FARS2: variants seen among roughly 807,000 people sequenced by gnomAD.
FARS2 encodes phenylalanyl-tRNA synthetase 2, mitochondrial.
A neutral mutation model predicts 46.4 loss-of-function variants in FARS2; 40 were observed. The observed-to-expected ratio is 0.86, with a 90% confidence interval of 0.67 to 1.12. The LOEUF is 1.12. Ranked by LOEUF, FARS2 falls within the 50% of genes most tolerant of loss-of-function variation. The pLI, the probability that FARS2 is intolerant of heterozygous loss-of-function variation, is 0.00. For synonymous variants in FARS2, 234 were observed against 214.9 expected, an observed-to-expected ratio of 1.09 and a Z score of -0.78; for missense variants, 513 against 567.9, an observed-to-expected ratio of 0.90 and a Z score of 0.98.
chr6:5,578,937 T>A (rs1024103547), intron 5 of FARS2, among the ~76,000 whole-genome samples: 1 of 152,182 alleles, frequency 6.6e-6, no homozygotes, highest in African/African-American at 2.4e-5. Context: ...GCCTGTTTTC[T>A]CATTTGTAAA....
chr6:5,279,654 A>G (rs1198481794), intron 1 of FARS2, among the ~76,000 whole-genome samples: 1 of 151,798 alleles, frequency 6.6e-6, no homozygotes, highest in Admixed American at 6.6e-5. Flanking sequence ...AGGAGAGCAC[A>G]TGGCATAAGT....
intron 6 of FARS2, among the ~76,000 whole-genome samples, chr6:5,737,953 T>C (rs542503312): frequency 6.6e-6 from 1 of 152,092 alleles, no homozygotes; most frequent in Non-Finnish European, 1.5e-5. Context: ...ATTATTCTTG[T>C]TGTTGTTGTT....
At chr6:5,450,352 CAG>C (rs1359501114) in intron 4 of FARS2, among the ~76,000 whole-genome samples, 5 of 151,704 alleles carry the variant, frequency 3.3e-5, no homozygotes, top group South Asian at 2.1e-4. Context: ...TTGGTGGTAA[CAG>C]GGAGTGGGGG....
chr6:5,646,117 G>A (rs1777061928), intron 6 of FARS2, among the ~76,000 whole-genome samples: 1 of 147,794 alleles, frequency 6.8e-6, no homozygotes, highest in African/African-American at 2.7e-5. Flanking sequence ...CAGAGAGGGA[G>A]CAGCAGGGAG....
chr6:5,340,542 C>A (rs142756351), intron 1 of FARS2, among the ~76,000 whole-genome samples: 54 of 152,224 alleles, frequency 3.5e-4, no homozygotes, highest in African/African-American at 1.2e-3. Flanking sequence ...CCTTAAAAAT[C>A]AATCAGAATT....
At chr6:5,396,122 A>C (rs898666794) in intron 2 of FARS2, among the ~76,000 whole-genome samples, 1 of 152,208 alleles carries the variant, frequency 6.6e-6, no homozygotes, top group African/African-American at 2.4e-5. Flanking sequence ...AATGTTCATG[A>C]AACCTGGAAT....
chr6:5,558,022 A>G (rs921961067), intron 5 of FARS2, among the ~76,000 whole-genome samples: 3 of 152,164 alleles, frequency 2.0e-5, no homozygotes, highest in African/African-American at 7.2e-5. Context: ...GTTACCAAGG[A>G]ACTCTCAAAT....
chr6:5,362,239 C>T (rs1161866674), intron 1 of FARS2, among the ~76,000 whole-genome samples: 1 of 152,000 alleles, frequency 6.6e-6, no homozygotes, highest in Non-Finnish European at 1.5e-5. Context: ...TATTGAGTAC[C>T]TGTTATATTC....
chr6:5,533,347 A>G lies in FARS2; in HGVS notation c.905-11833A>G, dbSNP rs111275774. On this transcript the variant is annotated intron_variant, in intron 4 of 6. Coordinates refer to ENST00000274680, the MANE Select transcript of FARS2 (RefSeq NM_006567.5). ...ATGATAGATAAAATCTCTCACAGATACAAAATTAAAGAAAGTCATCACTTG... is the reference window on the plus strand; with the variant it reads ...ATGATAGATAAAATCTCTCACAGATGCAAAATTAAAGAAAGTCATCACTTG... Among the ~76,000 whole-genome samples the G allele has an allele frequency of 8.7e-3, 1,330 of 152,366 alleles. 25 individuals are homozygous for G. Among genetic ancestry groups the G allele is most frequent in the African/African-American group, 0.03 (1,249 of 41,580 alleles).
intron 4 of FARS2, among the ~76,000 whole-genome samples, chr6:5,462,897 A>T (rs145954720): frequency 2.0e-5 from 3 of 152,248 alleles, no homozygotes; most frequent in Non-Finnish European, 4.4e-5. Flanking sequence ...GAAAATCGCC[A>T]TCTCAATAGT....
chr6:5,419,521 C>T (rs1762425778), intron 3 of FARS2, among the ~76,000 whole-genome samples: 1 of 152,070 alleles, frequency 6.6e-6, no homozygotes, highest in South Asian at 2.1e-4. Flanking sequence ...CTCCCCCATC[C>T]CCCGTCTCTT....
At chr6:5,742,021 C>G (rs1307363488) in intron 6 of FARS2, among the ~76,000 whole-genome samples, 1 of 152,218 alleles carries the variant, frequency 6.6e-6, no homozygotes, top group Non-Finnish European at 1.5e-5. Flanking sequence ...GTCTCTCTCT[C>G]TGATGTCTCA....
chr6:5,288,895 G>T (rs1485440398), intron 1 of FARS2, among the ~76,000 whole-genome samples: 1 of 152,140 alleles, frequency 6.6e-6, no homozygotes, highest in Non-Finnish European at 1.5e-5. Context: ...TGAAAATGTT[G>T]CAAATTTTAG....
At chr6:5,316,547 A>G (rs530828986) in intron 1 of FARS2, among the ~76,000 whole-genome samples, 1 of 152,112 alleles carries the variant, frequency 6.6e-6, no homozygotes, top group Non-Finnish European at 1.5e-5. Flanking sequence ...ACCTGGAATG[A>G]CAGGTGACCG....
At chr6:5,380,669 A>G (rs1759699029) in intron 2 of FARS2, among the ~76,000 whole-genome samples, 1 of 152,126 alleles carries the variant, frequency 6.6e-6, no homozygotes, top group African/African-American at 2.4e-5. Flanking sequence ...TCTACTCACA[A>G]ATGTAAAAGA....
intron 1 of FARS2, among the ~76,000 whole-genome samples, chr6:5,301,274 C>T (rs563632673): frequency 5.9e-5 from 9 of 152,164 alleles, no homozygotes; most frequent in Non-Finnish European, 1.2e-4. Flanking sequence ...TTTGCAACAT[C>T]CTGGGAGTTT....
At chr6:5,698,039 G>A (rs988436593) in intron 6 of FARS2, among the ~76,000 whole-genome samples, 5 of 152,184 alleles carry the variant, frequency 3.3e-5, no homozygotes, top group African/African-American at 1.2e-4. Context: ...ATTCTCGCTC[G>A]CTGTGATATG....
rs145093281 is a variant in FARS2 at position 5,615,573 on chromosome 6, G to A, written c.1217+2253G>A. Among the ~76,000 whole-genome samples, 416 of 152,224 alleles carry A rather than the reference G, an allele frequency of 2.7e-3. 4 individuals carry two copies. Among genetic ancestry groups the A allele is most frequent in the African/African-American group, 8.6e-3 (359 of 41,512 alleles). ...TGTAAAATATTTAGCCAGAAATTTC[G>A]TATGCTCCAATGGCAACATTTTTCT... On this transcript the variant is annotated intron_variant, in intron 6 of 6. Transcript: ENST00000274680.
At chr6:5,302,569 G>A (rs1420620286) in intron 1 of FARS2, among the ~76,000 whole-genome samples, 1 of 152,170 alleles carries the variant, frequency 6.6e-6, no homozygotes, top group Non-Finnish European at 1.5e-5. Context: ...TTAGGAGGTG[G>A]ACACTATTAC....
Sources: allele counts gnomAD v4.1 joint callset (sites outside exome capture counted in the v4.1 genomes callset), GRCh38; gene constraint gnomAD v4.1.1; transcripts MANE v1.5; gene names NCBI Gene and HGNC (gene_info 2026-07-23, HGNC 2026-07-21).